The following PCSK6 variants were observed in gnomAD, a reference collection of about 807,000 sequenced individuals.
The protein encoded by PCSK6 is paired basic amino acid cleaving enzyme 4.
Under a neutral mutation model 123.3 loss-of-function variants are expected in PCSK6, and 85 were observed. The observed-to-expected ratio is 0.69, with a 90% CI of 0.58 to 0.83. The LOEUF (loss-of-function observed/expected upper bound fraction) is 0.83. Among genes scored for constraint, PCSK6 ranks in the 40% least tolerant of loss-of-function variants. The pLI is 0.00. For synonymous variants in PCSK6, 508 were observed against 516.0 expected, an observed-to-expected ratio of 0.98 and a Z score of 0.21; for missense variants, 1,191 against 1,282.3, an observed-to-expected ratio of 0.93 and a Z score of 1.09.
intron 6 of PCSK6, among the ~76,000 whole-genome samples, chr15:101,427,291 CACTTCACAGA>C (rs779961932): frequency 8.5e-5 from 13 of 152,236 alleles, no homozygotes; most frequent in Admixed American, 2.0e-4. Flanking sequence ...ATCCAGGGAG[CACTTCACAGA>C]ACAGAGCAGG....
intron 6 of PCSK6, among the ~76,000 whole-genome samples, chr15:101,413,645 C>T (rs1014405591): frequency 6.6e-6 from 1 of 152,108 alleles, no homozygotes; most frequent in African/African-American, 2.4e-5. Flanking sequence ...CGGGGGGCTA[C>T]AGTTAGCAAC....
chr15:101,408,118 G>C (rs1296112241), intron 6 of PCSK6, among the ~76,000 whole-genome samples: 1 of 152,186 alleles, frequency 6.6e-6, no homozygotes, highest in Admixed American at 6.5e-5. Context: ...GCAGGCTTCT[G>C]AGCCAGATGG....
chr15:101,478,665 C>T (rs1015822344), intron 1 of PCSK6, among the ~76,000 whole-genome samples: 1 of 152,166 alleles, frequency 6.6e-6, no homozygotes, highest in Non-Finnish European at 1.5e-5. Flanking sequence ...GGTTCTGCCT[C>T]GGAGTAGCCA....
chr15:101,480,310 A>G (rs1281998850), intron 1 of PCSK6, among the ~76,000 whole-genome samples: 2 of 152,258 alleles, frequency 1.3e-5, no homozygotes, highest in Non-Finnish European at 2.9e-5. Flanking sequence ...AATTCAGTAA[A>G]TGGGTCCATG....
chr15:101,335,399 G>A (rs992393195), intron 13 of PCSK6, among the ~76,000 whole-genome samples: 2 of 152,198 alleles, frequency 1.3e-5, no homozygotes, highest in Admixed American at 6.5e-5. Flanking sequence ...AGTAGTACTC[G>A]GGGTTTTGAT....
At position 101,304,015 on chromosome 15, in the gene PCSK6, A is replaced by G. The variant is rs1252076154; in HGVS notation, c.*1243T>C. 3.3e-5 allele frequency: 5 copies of G among 152,618 alleles called. No homozygotes were observed. The highest frequency in any genetic ancestry group is 5.9e-5 in the Non-Finnish European group (4 of 68,040). 9.5% of individuals were successfully genotyped at this position (152,618 alleles called of 1,614,324 possible). A position where few individuals can be genotyped will look rare whatever the true frequency, so the allele number is the denominator to read the frequency against. Reference sequence around the variant, plus strand: ...CTCTTTCAGAGTTGTAGATTCAATAAACAACATCTGGGTTCTCTCCAGCTC... The same window carrying G: ...CTCTTTCAGAGTTGTAGATTCAATAGACAACATCTGGGTTCTCTCCAGCTC... On this transcript the variant is annotated 3_prime_UTR_variant, in exon 22 of 22. Coordinates refer to ENST00000611716, the MANE Select transcript of PCSK6 (RefSeq NM_002570.5).
At chr15:101,315,990 C>A (rs1374604498) in intron 19 of PCSK6, among the ~76,000 whole-genome samples, 1 of 152,228 alleles carries the variant, frequency 6.6e-6, no homozygotes, top group African/African-American at 2.4e-5. Flanking sequence ...AGCACTCATG[C>A]CTGACTCCGA....
At chr15:101,339,858 C>T (rs2040559198) in intron 13 of PCSK6, among the ~76,000 whole-genome samples, 1 of 151,840 alleles carries the variant, frequency 6.6e-6, no homozygotes, top group African/African-American at 2.4e-5. Flanking sequence ...CTGCAGTGAG[C>T]CGTGATTGCA....
At chr15:101,438,692 G>A (rs151264753) in intron 2 of PCSK6, among the ~76,000 whole-genome samples, 2 of 152,334 alleles carry the variant, frequency 1.3e-5, no homozygotes, top group Non-Finnish European at 2.9e-5. Flanking sequence ...GGAACCACCT[G>A]CAGCTCCCCT....
chr15:101,489,356 G>T lies in PCSK6; in HGVS notation c.297+18C>A. On this transcript the variant is annotated intron_variant, in intron 1 of 21. Transcript: ENST00000611716. ...GCCGCCGGGAAAGTTTTGGGCGCGC[G>T]GGGCCGGCCGCACTCACCTGGCCCA... is the stretch of plus-strand genomic sequence containing the variant. 2 of 1,144,306 alleles carry T rather than the reference G, an allele frequency of 1.7e-6. No homozygotes were observed. Among genetic ancestry groups the T allele is most frequent in the Non-Finnish European group, 1.1e-6 (1 of 931,852 alleles). 70.9% of individuals were successfully genotyped at this position (1,144,306 alleles called of 1,614,324 possible). A position where few individuals can be genotyped will look rare whatever the true frequency, so the allele number is the denominator to read the frequency against.
chr15:101,373,553 CA>C (rs1209270179), intron 11 of PCSK6, among the ~76,000 whole-genome samples: 1 of 152,118 alleles, frequency 6.6e-6, no homozygotes, highest in Non-Finnish European at 1.5e-5. Context: ...ATTAACCTAA[CA>C]TCCCCAATTA....
intron 2 of PCSK6, among the ~76,000 whole-genome samples, chr15:101,432,349 G>A (rs1240452238): frequency 1.3e-5 from 2 of 150,162 alleles, no homozygotes; most frequent in Non-Finnish European, 2.9e-5. Flanking sequence ...CTAAAAGAAA[G>A]AAAGTGCTCA....
intron 13 of PCSK6, among the ~76,000 whole-genome samples, chr15:101,335,749 T>C (rs2040463646): frequency 6.6e-6 from 1 of 152,234 alleles, no homozygotes; most frequent in Admixed American, 6.5e-5. Flanking sequence ...ATTATAGTCA[T>C]GTGTAGCTTA....
At chr15:101,332,303 C>T (rs115314192) in intron 13 of PCSK6, among the ~76,000 whole-genome samples, 2,565 of 152,300 alleles carry the variant, frequency 0.017, 77 homozygotes, top group African/African-American at 0.059. Context: ...GGAGGTCAGC[C>T]GGGCTGGACT....
intron 6 of PCSK6, among the ~76,000 whole-genome samples, chr15:101,422,455 G>A (rs1436876663): frequency 1.3e-5 from 2 of 152,088 alleles, no homozygotes; most frequent in African/African-American, 4.8e-5. Flanking sequence ...AAACATTTCA[G>A]GCTTTCCACT....
At chr15:101,313,015 T>G in intron 20 of PCSK6, 1 of 1,173,122 alleles carries the variant, frequency 8.5e-7, no homozygotes, top group Non-Finnish European at 1.1e-6. Context: ...CAAAAAAATT[T>G]TTTTTTAACC....
chr15:101,322,676 G>A, intron 17 of PCSK6, 69 bp from the exon 18 acceptor site: 1 of 995,248 alleles, frequency 1.0e-6, no homozygotes, highest in Non-Finnish European at 1.6e-6. Flanking sequence ...TGGGCAAGCA[G>A]GCCCCCGGCA....
At chr15:101,483,977 T>C (rs183273352) in intron 1 of PCSK6, among the ~76,000 whole-genome samples, 2,727 of 152,352 alleles carry the variant, frequency 0.018, 33 homozygotes, top group Non-Finnish European at 0.027. Flanking sequence ...CCCTTTTCTT[T>C]TTTCTCTCTT....
At chr15:101,377,476 C>T (rs950062712) in intron 11 of PCSK6, among the ~76,000 whole-genome samples, 4 of 152,206 alleles carry the variant, frequency 2.6e-5, no homozygotes, top group Admixed American at 2.6e-4. Flanking sequence ...CTCCTTTCTG[C>T]CTCCATTTCT....
Sources: allele counts gnomAD v4.1 joint callset (sites outside exome capture counted in the v4.1 genomes callset), GRCh38; gene constraint gnomAD v4.1.1; transcripts MANE v1.5; gene names NCBI Gene and HGNC (gene_info 2026-07-23, HGNC 2026-07-21).